Variants in TDRD5 observed in about 807,000 individuals in gnomAD.
TDRD5 encodes tudor domain-containing protein 5.
Under a neutral mutation model 120.6 loss-of-function variants are expected in TDRD5, and 41 were observed. The ratio of observed to expected loss-of-function variants is 0.34; its 90% CI spans 0.26 to 0.44. TDRD5 has a LOEUF of 0.44. Among genes scored for constraint, TDRD5 ranks in the 20% least tolerant of loss-of-function variants. TDRD5 has a pLI of 1.00. For missense variants in TDRD5, 1,006 were observed against 1,221.2 expected, an observed-to-expected ratio of 0.82 and a Z score of 2.63; for synonymous variants, 430 against 433.7, an observed-to-expected ratio of 0.99 and a Z score of 0.11.
chr1:179,674,324 T>C (rs1680006529), intron 17 of TDRD5, among the ~76,000 whole-genome samples: 1 of 152,224 alleles, frequency 6.6e-6, no homozygotes, highest in African/African-American at 2.4e-5. Flanking sequence ...TGTTTTTAAT[T>C]CTATTTATGT....
intron 11 of TDRD5, among the ~76,000 whole-genome samples, chr1:179,645,242 C>T (rs1678289303): frequency 2.0e-5 from 3 of 150,428 alleles, no homozygotes; most frequent in Non-Finnish European, 4.4e-5. Flanking sequence ...CCCGCCACTA[C>T]GCCCGGCTAA....
At chr1:179,632,153 G>T (rs984556632) in intron 7 of TDRD5, among the ~76,000 whole-genome samples, 1 of 151,828 alleles carries the variant, frequency 6.6e-6, no homozygotes, top group Non-Finnish European at 1.5e-5. Flanking sequence ...TGATCCACCC[G>T]CCTCAGCCTC....
intron 4 of TDRD5, among the ~76,000 whole-genome samples, chr1:179,606,566 G>C (rs914364450): frequency 6.6e-6 from 1 of 151,994 alleles, no homozygotes; most frequent in Non-Finnish European, 1.5e-5. Flanking sequence ...TTATAGTTTT[G>C]AATTTCACAT....
At chr1:179,642,934 A>G (rs1678133279) in intron 11 of TDRD5, among the ~76,000 whole-genome samples, 3 of 152,252 alleles carry the variant, frequency 2.0e-5, no homozygotes, top group Admixed American at 1.3e-4. Context: ...GAGAATCTGC[A>G]GTCTTGCTGT....
intron 11 of TDRD5, among the ~76,000 whole-genome samples, chr1:179,643,454 A>AAGGACTGAGAGATTT (rs1203784509): frequency 5.9e-5 from 9 of 152,230 alleles, no homozygotes; most frequent in African/African-American, 1.7e-4. Flanking sequence ...GAATATGTTC[A>AAGGACTGAGAGATTT]AGGACTGAGA....
intron 17 of TDRD5, among the ~76,000 whole-genome samples, chr1:179,688,421 G>A (rs1190356131): frequency 1.3e-5 from 2 of 152,216 alleles, no homozygotes; most frequent in African/African-American, 4.8e-5. Context: ...TACGCTGTTA[G>A]TCTGATGGCC....
Position 179,593,582 on chromosome 1 carries a change from C to G in TDRD5, c.355C>G (p.Arg119Gly), listed in dbSNP as rs748631957. ...PSIYSGPRSH[R>G]RVPYRGRVAP... ...TATTTATTCTGGACCGAGATCTCAT[C>G]GGCGAGTACCTTACCGAGGAAGGGT... Residue 119 changes from arginine (R) to glycine (G), a missense_variant, in exon 3 of 18, where the codon CGG (arginine) becomes GGG (glycine). Arg to Gly is a moderately radical substitution (Grantham distance 125). This residue lies in a region of TDRD5 where 445 missense variants were observed against 515.5 expected (regional missense o/e 0.86). Transcript: ENST00000444136. 21 of 1,614,194 alleles carry G rather than the reference C, an allele frequency of 1.3e-5. No individual in the cohort carries two copies. The South Asian group carries it at 2.3e-4, about 18-fold the overall frequency.
chr1:179,683,777 A>G (rs1276692690), intron 17 of TDRD5, among the ~76,000 whole-genome samples: 2 of 152,106 alleles, frequency 1.3e-5, no homozygotes, highest in African/African-American at 4.8e-5. Context: ...TCAAGCAGCT[A>G]CGTTGCTGAA....
At chr1:179,602,539 G>C (rs1675773005) in intron 4 of TDRD5, among the ~76,000 whole-genome samples, 2 of 152,130 alleles carry the variant, frequency 1.3e-5, no homozygotes, top group South Asian at 4.2e-4. Context: ...AATCCATCTT[G>C]AGTTGATTTT....
At chr1:179,669,790 C>T (rs1319315476) in intron 17 of TDRD5, among the ~76,000 whole-genome samples, 2 of 152,152 alleles carry the variant, frequency 1.3e-5, no homozygotes, top group Non-Finnish European at 2.9e-5. Context: ...TGCCTACTTG[C>T]CTCTGGCATG....
intron 17 of TDRD5, among the ~76,000 whole-genome samples, chr1:179,674,364 AC>A (rs1177118292): frequency 6.6e-6 from 1 of 152,112 alleles, no homozygotes; most frequent in Non-Finnish European, 1.5e-5. Context: ...CTTATGTTAA[AC>A]CATCCCTGCA....
At chr1:179,616,067 C>G (rs1676550114) in intron 4 of TDRD5, among the ~76,000 whole-genome samples, 1 of 151,972 alleles carries the variant, frequency 6.6e-6, no homozygotes, top group Non-Finnish European at 1.5e-5. Flanking sequence ...ATACCTTTTC[C>G]CACAGCCATT....
intron 17 of TDRD5, among the ~76,000 whole-genome samples, chr1:179,671,949 GGTGTGTGTGTGTGTGTGTGTGT>G (rs111855083): frequency 1.4e-5 from 2 of 141,728 alleles, no homozygotes; most frequent in Admixed American, 1.4e-4. Context: ...AATATTCCAT[GGTGTGTGTGTGTGTGTGTGTGT>G]GTGTGTGTGT....
chr1:179,654,894 G>A (rs1678920241), intron 14 of TDRD5, among the ~76,000 whole-genome samples: 1 of 152,150 alleles, frequency 6.6e-6, no homozygotes, highest in African/African-American at 2.4e-5. Flanking sequence ...CCTGTGACTT[G>A]GGGTGGTCTT....
intron 11 of TDRD5, among the ~76,000 whole-genome samples, chr1:179,646,117 G>T (rs1019634972): frequency 6.6e-6 from 1 of 151,884 alleles, no homozygotes; most frequent in African/African-American, 2.4e-5. Context: ...ATACTATATG[G>T]TCTACCTATT....
chr1:179,618,022 G>C (rs1676649567), intron 4 of TDRD5, among the ~76,000 whole-genome samples: 1 of 152,060 alleles, frequency 6.6e-6, no homozygotes, highest in Non-Finnish European at 1.5e-5. Context: ...TTTCAGGAGT[G>C]GGCCTTGCTT....
At chr1:179,597,413 C>A (rs184335558) in intron 4 of TDRD5, among the ~76,000 whole-genome samples, 34 of 147,250 alleles carry the variant, frequency 2.3e-4, no homozygotes, top group African/African-American at 7.7e-4. Flanking sequence ...CTCACTGCAA[C>A]TTCCGTCTCC....
chr1:179,594,091 G>T (rs1277887510), intron 3 of TDRD5, among the ~76,000 whole-genome samples: 2 of 152,128 alleles, frequency 1.3e-5, no homozygotes, highest in African/African-American at 4.8e-5. Flanking sequence ...CATGAGGTGA[G>T]TTCTGTAAAA....
At chr1:179,684,376 C>CTCA (rs1243811071) in intron 17 of TDRD5, among the ~76,000 whole-genome samples, 1 of 152,178 alleles carries the variant, frequency 6.6e-6, no homozygotes, top group African/African-American at 2.4e-5. Flanking sequence ...AGGACATGAA[C>CTCA]TCATCCTTTT....
Sources: allele counts gnomAD v4.1 joint callset (sites outside exome capture counted in the v4.1 genomes callset), GRCh38; gene constraint gnomAD v4.1.1; regional missense constraint gnomAD v4.1.1; transcripts MANE v1.5; gene names NCBI Gene and HGNC (gene_info 2026-07-23, HGNC 2026-07-21).